MDGA1: variants seen among roughly 807,000 people sequenced by gnomAD.
The protein encoded by MDGA1 is MAM domain containing glycosylphosphatidylinositol anchor 1, also known as MAM domain-containing glycosylphosphatidylinositol anchor protein 1.
MDGA1 carries 54 observed loss-of-function variants against 101.5 expected under a neutral mutation model. That is an observed-to-expected ratio of 0.53 (90% CI 0.43 to 0.67). MDGA1 has a LOEUF of 0.67. Among genes scored for constraint, MDGA1 ranks in the 30% least tolerant of loss-of-function variants. The probability of loss-of-function intolerance (pLI) is 0.00; values close to 1 mark genes in which losing one functional copy is unlikely to be tolerated. For missense variants in MDGA1, 1,083 were observed against 1,323.8 expected (o/e 0.82, Z 2.82); for synonymous variants, 533 against 558.3 (o/e 0.95, Z 0.64).
At chr6:37,678,506 T>A (rs1484474458) in intron 1 of MDGA1, among the ~76,000 whole-genome samples, 1 of 152,004 alleles carries the variant, frequency 6.6e-6, no homozygotes, top group Non-Finnish European at 1.5e-5. Context: ...ATGACTCCCA[T>A]CCTACTTGGG....
At chr6:37,644,793 G>T in intron 12 of MDGA1, 144 bp from the exon 13 acceptor site, 1 of 856,446 alleles carries the variant, frequency 1.2e-6, no homozygotes, top group Non-Finnish European at 1.6e-6. Flanking sequence ...CCAGGCATGG[G>T]GCCCATAACA....
chr6:37,674,474 T>C lies in MDGA1; in HGVS notation c.68-10368A>G, dbSNP rs560539267. Among the ~76,000 whole-genome samples the C allele has an allele frequency of 3.9e-5, 6 of 152,226 alleles. No homozygotes were observed. In the East Asian group the frequency reaches 1.2e-3, roughly 29 times the overall value. ...GGCTGGCACCCTTACAACTCTCCTC[T>C]GCTGCAAGTGGCGGCTGGTCCATTA... On this transcript the variant is annotated intron_variant, in intron 1 of 16. Coordinates refer to ENST00000434837, the MANE Select transcript of MDGA1 (RefSeq NM_153487.4).
intron 1 of MDGA1, among the ~76,000 whole-genome samples, chr6:37,666,770 T>C (rs887879336): frequency 6.6e-6 from 1 of 152,210 alleles, no homozygotes; most frequent in Non-Finnish European, 1.5e-5. Context: ...GGCCCTGGGA[T>C]GTCAGAAAAC....
chr6:37,692,182 G>A (rs1423733249), intron 1 of MDGA1, among the ~76,000 whole-genome samples: 1 of 152,180 alleles, frequency 6.6e-6, no homozygotes, highest in Admixed American at 6.5e-5. Context: ...TGGCGGCCAA[G>A]CCCTCCCCCT....
At chr6:37,676,063 G>A (rs1761971592) in intron 1 of MDGA1, among the ~76,000 whole-genome samples, 3 of 152,218 alleles carry the variant, frequency 2.0e-5, no homozygotes, top group Admixed American at 6.5e-5. Flanking sequence ...AATGCCCTGC[G>A]CATAGTGCAT....
chr6:37,646,061 G>C (rs1244811046), intron 11 of MDGA1, 105 bp from the exon 12 acceptor site: 1 of 1,587,622 alleles, frequency 6.3e-7, no homozygotes, highest in South Asian at 1.1e-5. Flanking sequence ...CAGGACTGGG[G>C]GCCAGCGGAT....
intron 1 of MDGA1, among the ~76,000 whole-genome samples, chr6:37,673,005 C>T (rs1465046355): frequency 6.7e-6 from 1 of 148,682 alleles, no homozygotes; most frequent in Non-Finnish European, 1.5e-5. Flanking sequence ...GACATTTACT[C>T]TGCCAGCAAT....
At chr6:37,695,843 A>AT (rs1282943904) in intron 1 of MDGA1, among the ~76,000 whole-genome samples, 1 of 152,142 alleles carries the variant, frequency 6.6e-6, no homozygotes, top group Non-Finnish European at 1.5e-5. Flanking sequence ...CCTGAGAATG[A>AT]TTTTTTGTGC....
chr6:37,645,401 G>A (rs974295583), intron 12 of MDGA1, among the ~76,000 whole-genome samples: 1 of 152,150 alleles, frequency 6.6e-6, no homozygotes, highest in Non-Finnish European at 1.5e-5. Flanking sequence ...AGGTGCGGTG[G>A]CACATGCCTG....
chr6:37,696,797 GCA>G lies in MDGA1; in HGVS notation c.13_14del (p.Cys5ProfsTer73). MEVTCLLLLALIPFH... is the reference protein window; with the variant it reads MEVTXLLLLALIPFH... Reference sequence around the variant, plus strand: ...AGGGGATCAGCGCCAGAAGTAGAAGGCAGGTCACCTCCATCTTCACGGCCGGT... The same window carrying G: ...AGGGGATCAGCGCCAGAAGTAGAAGGGGTCACCTCCATCTTCACGGCCGGT... On this transcript the variant is annotated frameshift_variant, in exon 1 of 17. Transcript: ENST00000434837. LOFTEE classifies it high-confidence loss of function. The surrounding 1 kb of genome is among the most constrained non-coding windows in gnomAD (Gnocchi z 5.6). The G allele has an allele frequency of 1.3e-6, 2 of 1,579,696 alleles. No homozygotes were observed. The highest frequency in any genetic ancestry group is 1.7e-6 in the Non-Finnish European group (2 of 1,162,202).
At chr6:37,637,834 ACAGAGTAATTGCT>A in intron 16 of MDGA1, 1 of 529,134 alleles carries the variant, frequency 1.9e-6, no homozygotes, top group Non-Finnish European at 3.3e-6. Context: ...CTTGCCTGGT[ACAGAGTAATTGCT>A]CAGTAAGTAG....
chr6:37,693,096 C>T (rs561831490), intron 1 of MDGA1, among the ~76,000 whole-genome samples: 8 of 152,328 alleles, frequency 5.3e-5, no homozygotes, highest in Non-Finnish European at 7.3e-5. Context: ...TGCTCCCCCT[C>T]GCTTGTGCAA....
rs58545616 is a variant in MDGA1, at chr6:37,647,476, G to A, written c.1895-152C>T. Among the ~76,000 whole-genome samples, 623 of 151,892 alleles carry A rather than the reference G, an allele frequency of 4.1e-3. 4 individuals are homozygous for A. Among genetic ancestry groups the A allele is most frequent in the African/African-American group, 0.015 (602 of 41,384 alleles). On this transcript the variant is annotated intron_variant, in intron 9 of 16. Coordinates refer to ENST00000434837, the MANE Select transcript of MDGA1 (RefSeq NM_153487.4). ...AAGGGAATATTGTGAGGTGGGGAACGTTGGGAGAAGAGGGGATTGGGGAAA... is the reference window on the plus strand; with the variant it reads ...AAGGGAATATTGTGAGGTGGGGAACATTGGGAGAAGAGGGGATTGGGGAAA...
Position 37,646,067 on chromosome 6 carries a change from C to T in MDGA1, c.2225-111G>A, listed in dbSNP as rs143783762. The T allele has an allele frequency of 2.1e-4, 331 of 1,570,300 alleles. 1 individual carries two copies. Among genetic ancestry groups the T allele is most frequent in the Admixed American group, 4.0e-4 (23 of 56,832 alleles). On this transcript the variant is annotated intron_variant, in intron 11 of 16. Transcript: ENST00000434837. ...CCTCAGAGCCAGGACTGGGGGCCAG[C>T]GGATCTGGCCTGCAGTGACAAGGTA... is the stretch of plus-strand genomic sequence containing the variant.
At chr6:37,685,162 T>TGTG (rs1762172883) in intron 1 of MDGA1, among the ~76,000 whole-genome samples, 1 of 151,902 alleles carries the variant, frequency 6.6e-6, no homozygotes, top group African/African-American at 2.4e-5. Context: ...ATTAACCGGG[T>TGTG]GTGGTGGCAC....
intron 2 of MDGA1, among the ~76,000 whole-genome samples, chr6:37,661,547 T>C (rs1425137315): frequency 6.6e-6 from 1 of 152,134 alleles, no homozygotes; most frequent in East Asian, 1.9e-4. Context: ...ATATTTCTTA[T>C]AATGAAACAA....
Position 37,690,372 on chromosome 6 carries a change from G to C in MDGA1, c.67+6373C>G, listed in dbSNP as rs1762283716. Among the ~76,000 whole-genome samples, 3 of 152,244 alleles carry C rather than the reference G, an allele frequency of 2.0e-5. No homozygotes were observed. In the South Asian group the frequency reaches 6.2e-4, roughly 32 times the overall value. ...ATGAGCAGTTCTGGGTTCAAGTCCA[G>C]GTCTGCCACTTGGACAAGGGACTGA... is the stretch of plus-strand genomic sequence containing the variant. On this transcript the variant is annotated intron_variant, in intron 1 of 16. Transcript: ENST00000434837.
intron 2 of MDGA1, among the ~76,000 whole-genome samples, chr6:37,659,101 C>G (rs537808106): frequency 6.6e-6 from 1 of 152,198 alleles, no homozygotes; most frequent in South Asian, 2.1e-4. Flanking sequence ...CCAACAGCCG[C>G]GTGAGTTAGC....
chr6:37,649,962 TG>T, intron 8 of MDGA1, 146 bp downstream of exon 8: 1 of 872,344 alleles, frequency 1.1e-6, no homozygotes, highest in Non-Finnish European at 1.9e-6. Context: ...TCCTACAGCA[TG>T]GGGCTGTCAA....
Sources: allele counts gnomAD v4.1 joint callset (sites outside exome capture counted in the v4.1 genomes callset), GRCh38; gene constraint gnomAD v4.1.1; non-coding constraint Gnocchi (gnomAD v3.1); transcripts MANE v1.5; gene names NCBI Gene and HGNC (gene_info 2026-07-23, HGNC 2026-07-21).